Variants in FER observed in about 807,000 individuals in gnomAD.
FER encodes the protein FER tyrosine kinase.
FER carries 63 observed loss-of-function variants against 111.0 expected under a neutral mutation model. That is an observed-to-expected ratio of 0.57 (90% CI 0.46 to 0.70). The LOEUF (loss-of-function observed/expected upper bound fraction) is 0.70, where lower values mean the gene tolerates loss of function less well. Among genes scored for constraint, FER ranks in the 30% least tolerant of loss-of-function variants. The pLI is 0.00. For missense variants in FER, 914 were observed against 954.0 expected (o/e 0.96, Z 0.55); for synonymous variants, 327 against 313.9 (o/e 1.04, Z -0.44).
intron 1 of FER, among the ~76,000 whole-genome samples, chr5:108,750,684 A>G: frequency 6.6e-6 from 1 of 152,234 alleles, no homozygotes. Context: ...AATCATTTAC[A>G]TTTCATCTTC....
intron 16 of FER, among the ~76,000 whole-genome samples, chr5:109,083,011 G>A (rs968707193): frequency 6.6e-6 from 1 of 151,984 alleles, no homozygotes. Flanking sequence ...AAATTCTCCT[G>A]AAGCAAATAT....
intron 16 of FER, among the ~76,000 whole-genome samples, chr5:109,069,206 AT>A (rs918182803): frequency 2.0e-5 from 3 of 152,188 alleles, no homozygotes; most frequent in African/African-American, 4.8e-5. Context: ...TAGACCAAAC[AT>A]TTTCTAAAAG....
intron 17 of FER, among the ~76,000 whole-genome samples, chr5:109,119,803 T>G (rs1009963967): frequency 6.6e-6 from 1 of 152,288 alleles, no homozygotes; most frequent in East Asian, 1.9e-4. Flanking sequence ...GTCTTTTAGA[T>G]AGAAATCATT....
intron 16 of FER, among the ~76,000 whole-genome samples, chr5:109,069,168 C>A (rs1427456244): frequency 6.6e-6 from 1 of 151,948 alleles, no homozygotes; most frequent in Non-Finnish European, 1.5e-5. Context: ...CATACAAATA[C>A]AATACAATTA....
At chr5:109,123,174 G>C (rs988409403) in intron 17 of FER, among the ~76,000 whole-genome samples, 7 of 28,824 alleles carry the variant, frequency 2.4e-4, no homozygotes, top group Admixed American at 1.9e-3. Context: ...TTTTTTTTTT[G>C]AGACGGAGTC....
chr5:109,161,340 C>T (rs1457569196), intron 17 of FER, among the ~76,000 whole-genome samples: 1 of 151,916 alleles, frequency 6.6e-6, no homozygotes, highest in East Asian at 1.9e-4. Context: ...GTTTATTGTA[C>T]ACAGTATTTT....
intron 13 of FER, among the ~76,000 whole-genome samples, chr5:109,036,470 G>A (rs1240369174): frequency 2.6e-5 from 4 of 152,010 alleles, no homozygotes; most frequent in Non-Finnish European, 4.4e-5. Context: ...ACTTCAAGAT[G>A]TCTGATTACT....
chr5:109,125,045 C>CAAAAAAAAAAA (rs373849561), intron 17 of FER, among the ~76,000 whole-genome samples: 5 of 75,608 alleles, frequency 6.6e-5, no homozygotes, highest in East Asian at 4.5e-4. Flanking sequence ...GACTCTGTCT[C>CAAAAAAAAAAA]AAAAAAAAAA....
intron 6 of FER, among the ~76,000 whole-genome samples, chr5:108,868,437 A>G (rs1764288290): frequency 6.6e-6 from 1 of 152,098 alleles, no homozygotes; most frequent in Admixed American, 6.6e-5. Flanking sequence ...GCAGGGCACA[A>G]TTCTTGCCTT....
At chr5:109,155,763 G>A (rs1755307000) in intron 17 of FER, among the ~76,000 whole-genome samples, 1 of 151,948 alleles carries the variant, frequency 6.6e-6, no homozygotes. Flanking sequence ...CCATAGAAGG[G>A]AAAGTGATGG....
chr5:109,039,208 T>G (rs574589485), intron 14 of FER, among the ~76,000 whole-genome samples: 13 of 145,382 alleles, frequency 8.9e-5, no homozygotes, highest in Non-Finnish European at 1.6e-4. Context: ...GCAGGAACGC[T>G]GAGGGTTTTT....
At chr5:108,819,715 A>G (rs745962199) in intron 3 of FER, 247 of 838,916 alleles carry the variant, frequency 2.9e-4, no homozygotes, top group Non-Finnish European at 3.5e-4. Flanking sequence ...GAGACCATCA[A>G]TTCCACCTGT....
intron 13 of FER, among the ~76,000 whole-genome samples, chr5:108,967,703 T>C (rs1760056532): frequency 7.4e-6 from 1 of 134,584 alleles, no homozygotes; most frequent in African/African-American, 2.9e-5. Context: ...GAGGCTGTAG[T>C]GAGCCAAGAT....
intron 10 of FER, among the ~76,000 whole-genome samples, chr5:108,944,723 G>A (rs1581326589): frequency 6.6e-6 from 1 of 151,860 alleles, no homozygotes; most frequent in Admixed American, 6.6e-5. Flanking sequence ...CAAATGATCT[G>A]GCACTGGTTG....
chr5:109,031,322 C>G (rs1246046101), intron 13 of FER, among the ~76,000 whole-genome samples: 1 of 152,016 alleles, frequency 6.6e-6, no homozygotes, highest in Non-Finnish European at 1.5e-5. Context: ...TCCTTGTTTG[C>G]CTCTTGAATT....
intron 2 of FER, among the ~76,000 whole-genome samples, chr5:108,797,369 CCT>C (rs773796742): frequency 2.6e-5 from 4 of 152,038 alleles, no homozygotes; most frequent in Non-Finnish European, 5.9e-5. Context: ...CTGTAGCCTC[CCT>C]CTCTCATGTC....
intron 17 of FER, among the ~76,000 whole-genome samples, chr5:109,112,210 A>G (rs1258436254): frequency 1.3e-5 from 2 of 152,126 alleles, no homozygotes; most frequent in Non-Finnish European, 2.9e-5. Flanking sequence ...TGGCAGTTCA[A>G]ATTATAGTAG....
intron 1 of FER, among the ~76,000 whole-genome samples, chr5:108,763,198 C>G (rs555328951): frequency 1.3e-5 from 2 of 152,280 alleles, no homozygotes; most frequent in South Asian, 4.1e-4. Context: ...ACCATTAACT[C>G]TGAAACTCTG....
At chr5:108,980,296 A>G (rs1761885311) in intron 13 of FER, among the ~76,000 whole-genome samples, 1 of 152,126 alleles carries the variant, frequency 6.6e-6, no homozygotes, top group Non-Finnish European at 1.5e-5. Flanking sequence ...GGAGAGAGTA[A>G]AAAAGCAAGA....
Sources: allele counts gnomAD v4.1 joint callset (sites outside exome capture counted in the v4.1 genomes callset), GRCh38; gene constraint gnomAD v4.1.1; transcripts MANE v1.5; gene names NCBI Gene and HGNC (gene_info 2026-07-23, HGNC 2026-07-21).